PPEF2: variants seen among roughly 807,000 people sequenced by gnomAD.
PPEF2 encodes protein phosphatase with EF-hand domain 2.
In PPEF2, 84 loss-of-function variants were observed where a neutral mutation model predicts 84.7. That is an observed-to-expected ratio of 0.99 (90% CI 0.83 to 1.19). The LOEUF (loss-of-function observed/expected upper bound fraction) is 1.19, where lower values mean the gene tolerates loss of function less well. Ranked by LOEUF, PPEF2 falls within the 50% of genes most tolerant of loss-of-function variation. The pLI is 0.00. For synonymous variants in PPEF2, 346 were observed against 345.2 expected, an observed-to-expected ratio of 1.00 and a Z score of -0.03; for missense variants, 924 against 937.5, an observed-to-expected ratio of 0.99 and a Z score of 0.19.
intron 13 of PPEF2, among the ~76,000 whole-genome samples, chr4:75,869,816 C>A (rs1434366373): frequency 6.6e-6 from 1 of 151,416 alleles, no homozygotes; most frequent in African/African-American, 2.4e-5. Flanking sequence ...CACTGTACTA[C>A]AGCCTGGGTG....
chr4:75,898,325 C>T lies in PPEF2; in HGVS notation c.-58-1942G>A, dbSNP rs368375621. Reference sequence around the variant, plus strand: ...ACGGCCAGATTTTGGGGGGCTTGTTCCCAACATTCGTCTCTCTTCTCTCCT... The same window carrying T: ...ACGGCCAGATTTTGGGGGGCTTGTTTCCAACATTCGTCTCTCTTCTCTCCT... On this transcript the variant is annotated intron_variant, in intron 1 of 16. Coordinates refer to ENST00000286719, the MANE Select transcript of PPEF2 (RefSeq NM_006239.3). Among the ~76,000 whole-genome samples the T allele has an allele frequency of 2.6e-5, 4 of 152,156 alleles. 1 individual carries two copies. In the South Asian group the frequency reaches 8.3e-4, roughly 32 times the overall value.
intron 5 of PPEF2, chr4:75,889,345 A>C (rs1578013840): frequency 6.6e-6 from 1 of 152,490 alleles, no homozygotes; most frequent in Non-Finnish European, 1.5e-5. Context: ...CTCCAGCCAC[A>C]GTGGCCTCCC....
rs562238518 is a variant in PPEF2, at chr4:75,861,083, C to T, written c.2009-163G>A. On this transcript the variant is annotated intron_variant, in intron 16 of 16. Transcript: ENST00000286719. ...CAAGAGGATCACACAAACCCACTGG[C>T]TCACCAATGATTTTCAGCTGGGAGT... 9.2e-5 allele frequency among the ~76,000 whole-genome samples: 14 copies of T among 152,306 alleles called. 1 individual carries two copies. The South Asian group carries it at 1.5e-3, about 16-fold the overall frequency.
intron 10 of PPEF2, among the ~76,000 whole-genome samples, chr4:75,879,323 A>G (rs11097163): frequency 1 from 152,205 of 152,356 alleles, 76,027 homozygotes; most frequent in Middle Eastern, 1. Flanking sequence ...TTCTAATACT[A>G]GCTTATAAGT....
rs1344424144 is a variant in PPEF2 at position 75,891,965 on chromosome 4, T to C, written c.69A>G (p.Ala23=). 4 of 1,613,728 alleles carry C rather than the reference T, an allele frequency of 2.5e-6. No individual in the cohort carries two copies. The highest frequency in any genetic ancestry group is 2.2e-5 in the East Asian group (1 of 44,870). ...FQNAERAFKA[A]ALIQRWYRRY... ...GCCGGTACCATCTCTGGATCAGGGC[T>C]GCTGCCTTGAAGGCTATGACACCGA... Residue 23 remains alanine, a synonymous_variant, in exon 3 of 17, where the codon GCA becomes GCG. Coordinates refer to ENST00000286719, the MANE Select transcript of PPEF2 (RefSeq NM_006239.3).
intron 5 of PPEF2, among the ~76,000 whole-genome samples, chr4:75,889,553 G>A (rs76558075): frequency 6.6e-6 from 1 of 152,058 alleles, no homozygotes; most frequent in Middle Eastern, 3.4e-3. Flanking sequence ...AGCTCTCATC[G>A]CCTTCTAATA....
At chr4:75,900,827 C>T (rs1323246273) in intron 1 of PPEF2, among the ~76,000 whole-genome samples, 1 of 152,108 alleles carries the variant, frequency 6.6e-6, no homozygotes, top group Non-Finnish European at 1.5e-5. Flanking sequence ...ATGTATTCCA[C>T]CATGACAAAG....
intron 10 of PPEF2, among the ~76,000 whole-genome samples, chr4:75,879,327 T>C (rs1972062): frequency 0.12 from 17,753 of 152,274 alleles, 3,125 homozygotes; most frequent in African/African-American, 0.38. Flanking sequence ...AATACTAGCT[T>C]ATAAGTGAGT....
At chr4:75,868,453 T>C (rs6531993) in intron 13 of PPEF2, among the ~76,000 whole-genome samples, 150,978 of 152,278 alleles carry the variant, frequency 0.99, 74,857 homozygotes, top group Middle Eastern at 1. Context: ...TTAAAAAAAA[T>C]TAAATCATGT....
chr4:75,898,240 A>G (rs991705730), intron 1 of PPEF2, among the ~76,000 whole-genome samples: 19 of 152,264 alleles, frequency 1.2e-4, no homozygotes, highest in Admixed American at 1.1e-3. Flanking sequence ...CGTTATGGCC[A>G]TGATGAACAT....
At position 75,882,993 on chromosome 4, in the gene PPEF2, A is replaced by T; in HGVS notation, c.866T>A (p.Leu289Gln). 6.2e-7 allele frequency: 1 copy of T among 1,614,234 alleles called. No homozygotes were observed. The highest frequency in any genetic ancestry group is 8.5e-7 in the Non-Finnish European group (1 of 1,180,038). The change falls in exon 10 of 17, where the codon CTA becomes CAA. Residue 289 changes from leucine (L) to glutamine (Q), a missense_variant. Leu to Gln is a moderately radical substitution (Grantham distance 113, BLOSUM62 -2). Transcript: ENST00000286719. ...GTCTGACACCCCACCATGAAGAATTAGAACTTTCTCATCTATCAGAGTGGC... is the reference window on the plus strand; with the variant it reads ...GTCTGACACCCCACCATGAAGAATTTGAACTTTCTCATCTATCAGAGTGGC... ...PLATLIDEKVLILHGGVSDIT... is the reference protein window; with the variant it reads ...PLATLIDEKVQILHGGVSDIT...
intron 1 of PPEF2, among the ~76,000 whole-genome samples, chr4:75,901,478 G>A (rs895833039): frequency 6.6e-5 from 10 of 150,516 alleles, no homozygotes; most frequent in South Asian, 2.1e-4. Flanking sequence ...CCAAGATTTC[G>A]CCACTACACT....
chr4:75,864,789 G>A (rs1724089282), intron 15 of PPEF2, among the ~76,000 whole-genome samples: 1 of 151,906 alleles, frequency 6.6e-6, no homozygotes, highest in Non-Finnish European at 1.5e-5. Flanking sequence ...GAAATGCTTG[G>A]GACCAGAAAT....
rs1046364006 is a variant in PPEF2 at position 75,860,559 on chromosome 4, T to C, written c.*108A>G. On this transcript the variant is annotated 3_prime_UTR_variant, in exon 17 of 17. Transcript: ENST00000286719. ...CACAGGTGATTCTGATGCATATGGA[T>C]AGGTAAATTTTCAGCATAAAGTTTC... The C allele has an allele frequency of 3.6e-6, 5 of 1,388,356 alleles. No homozygotes were observed. Among genetic ancestry groups the C allele is most frequent in the Admixed American group, 4.0e-5 (2 of 49,934 alleles). The allele number at this position is 1,388,356 out of a possible 1,614,324, so 86.0% of individuals were successfully genotyped here.
chr4:75,864,572 T>C (rs1560478874), intron 15 of PPEF2, 45 bp from the exon 16 acceptor site: 2 of 1,403,852 alleles, frequency 1.4e-6, no homozygotes, highest in Non-Finnish European at 1.0e-6. Flanking sequence ...ACGTTTAGAC[T>C]TGTTCCAATA....
chr4:75,865,997 G>T (rs1259856968), intron 15 of PPEF2, among the ~76,000 whole-genome samples, 192 bp downstream of exon 15: 2 of 152,054 alleles, frequency 1.3e-5, no homozygotes, highest in Non-Finnish European at 2.9e-5. Context: ...TGGTTTTGAG[G>T]ATTAACTGAG....
chr4:75,872,082 G>A lies in PPEF2; in HGVS notation c.1592C>T (p.Pro531Leu), dbSNP rs1182656363. The A allele has an allele frequency of 1.2e-6, 2 of 1,613,680 alleles. No individual in the cohort carries two copies. The highest frequency in any genetic ancestry group is 1.7e-6 in the Non-Finnish European group (2 of 1,179,710). ...AYVKLGPALT[P>L]HIVQYQANKV... ...GTTAGCTTGATACTGCACAATATGT[G>A]GGGTCAGGGCTGGCCCCAGTTTGAC... is the stretch of plus-strand genomic sequence containing the variant. Residue 531 changes from proline (P) to leucine (L), a missense_variant, in exon 13 of 17, where the codon CCA (proline) becomes CTA (leucine). Transcript: ENST00000286719.
At chr4:75,873,032 T>G in intron 12 of PPEF2, 95 bp downstream of exon 12, 1 of 1,224,648 alleles carries the variant, frequency 8.2e-7, no homozygotes, top group Non-Finnish European at 1.1e-6. Flanking sequence ...GTCTGTAGGT[T>G]GTTAGAAACT....
At chr4:75,875,832 G>A (rs942279329) in intron 11 of PPEF2, among the ~76,000 whole-genome samples, 1 of 151,994 alleles carries the variant, frequency 6.6e-6, no homozygotes, top group Non-Finnish European at 1.5e-5. Flanking sequence ...AGGGTGCCTC[G>A]CTGCATACTA....
Sources: gnomAD v4.1 joint callset for allele counts (sites outside exome capture counted in the v4.1 genomes callset) on GRCh38, gnomAD v4.1.1 for gene constraint, MANE v1.5 for transcripts, NCBI Gene and HGNC (gene_info 2026-07-23, HGNC 2026-07-21) for gene names.